Variants in PRLR observed in about 807,000 individuals in gnomAD.
The protein encoded by PRLR is hPRL receptor.
In PRLR, 13 loss-of-function variants were observed where a neutral mutation model predicts 40.2. The observed-to-expected ratio is 0.32, with a 90% CI of 0.21 to 0.51. The LOEUF (loss-of-function observed/expected upper bound fraction) is 0.51. PRLR is among the 20% of genes least tolerant of loss of function. PRLR has a pLI of 0.97. For synonymous variants in PRLR, 269 were observed against 278.7 expected (o/e 0.97, Z 0.35); for missense variants, 656 against 747.3 (o/e 0.88, Z 1.42).
chr5:35,173,120 T>A (rs1775049291), intron 1 of PRLR, among the ~76,000 whole-genome samples: 1 of 152,186 alleles, frequency 6.6e-6, no homozygotes, highest in Non-Finnish European at 1.5e-5. Context: ...TCCACATTGT[T>A]CACTCGTTTT....
At chr5:35,185,478 C>T (rs10941235) in intron 1 of PRLR, among the ~76,000 whole-genome samples, 47,580 of 151,578 alleles carry the variant, frequency 0.31, 7,825 homozygotes, top group African/African-American at 0.41. Context: ...TAGGCTTGGG[C>T]CTTTTCTAAC....
chr5:35,152,143 A>G (rs1184928232), intron 1 of PRLR, among the ~76,000 whole-genome samples: 1 of 152,176 alleles, frequency 6.6e-6, no homozygotes, highest in Admixed American at 6.5e-5. Context: ...AATCCGCGTG[A>G]TCCATTCTCC....
chr5:35,156,583 A>G (rs1292770816), intron 1 of PRLR, among the ~76,000 whole-genome samples: 1 of 152,180 alleles, frequency 6.6e-6, no homozygotes, highest in South Asian at 2.1e-4. Flanking sequence ...TTTGGCCAGT[A>G]TGGTCTCCTT....
chr5:35,113,416 TCCA>T (rs1772806936), intron 2 of PRLR, among the ~76,000 whole-genome samples: 4 of 138,404 alleles, frequency 2.9e-5, no homozygotes, highest in African/African-American at 5.5e-5. Context: ...CATCCATCCA[TCCA>T]TCCACCCATC....
intron 1 of PRLR, among the ~76,000 whole-genome samples, chr5:35,133,864 C>T (rs1228921478): frequency 6.6e-5 from 10 of 152,194 alleles, no homozygotes; most frequent in Non-Finnish European, 1.2e-4. Flanking sequence ...AGACCACACT[C>T]AGAAACAGGC....
Position 35,061,631 on chromosome 5 carries a change from T to C in PRLR, c.*3458A>G, listed in dbSNP as rs889096057. On this transcript the variant is annotated 3_prime_UTR_variant, in exon 10 of 10. Coordinates refer to ENST00000618457, the MANE Select transcript of PRLR (RefSeq NM_000949.7). ...TGTTAAATATCTGACACAGCTGATA[T>C]AACTTGTGCTTATACACATCTGTTA... 1 of 152,260 alleles carries C rather than the reference T, an allele frequency of 6.6e-6. No individual in the cohort carries two copies. The highest frequency in any genetic ancestry group is 1.5e-5 in the Non-Finnish European group (1 of 68,048). 9.4% of individuals were successfully genotyped at this position (152,260 alleles called of 1,614,324 possible). A position where few individuals can be genotyped will look rare whatever the true frequency, so the allele number is the denominator to read the frequency against.
At chr5:35,127,601 G>A (rs755298769) in intron 1 of PRLR, among the ~76,000 whole-genome samples, 4 of 152,150 alleles carry the variant, frequency 2.6e-5, no homozygotes, top group Non-Finnish European at 5.9e-5. Flanking sequence ...AAATACTAGT[G>A]TGTTGTCCAT....
chr5:35,198,001 G>C (rs552359844), intron 1 of PRLR, among the ~76,000 whole-genome samples: 1 of 152,332 alleles, frequency 6.6e-6, no homozygotes, highest in African/African-American at 2.4e-5. Context: ...GAGTATTGTG[G>C]CATGGATGCC....
chr5:35,114,244 C>T (rs780344112), intron 2 of PRLR, among the ~76,000 whole-genome samples: 1 of 152,180 alleles, frequency 6.6e-6, no homozygotes, highest in African/African-American at 2.4e-5. Context: ...AGAGCTGGTC[C>T]TGTCATTCAT....
intron 2 of PRLR, among the ~76,000 whole-genome samples, chr5:35,097,072 A>G (rs1771579796): frequency 6.6e-6 from 1 of 152,166 alleles, no homozygotes; most frequent in African/African-American, 2.4e-5. Flanking sequence ...CTTACATGCT[A>G]TCACCTGACA....
chr5:35,135,301 C>T (rs1224393904), intron 1 of PRLR: 1 of 152,300 alleles, frequency 6.6e-6, no homozygotes, highest in Non-Finnish European at 1.5e-5. Flanking sequence ...TCAGACCTGC[C>T]TCCTGTCCTG....
intron 1 of PRLR, among the ~76,000 whole-genome samples, chr5:35,181,428 T>C (rs1425769018): frequency 6.6e-6 from 1 of 152,208 alleles, no homozygotes; most frequent in East Asian, 1.9e-4. Context: ...GCTGTGTGCT[T>C]ATATTAATTT....
At chr5:35,091,640 C>A (rs539100945) in intron 2 of PRLR, among the ~76,000 whole-genome samples, 1 of 152,262 alleles carries the variant, frequency 6.6e-6, no homozygotes, top group East Asian at 1.9e-4. Context: ...CAGCCACTGA[C>A]CCACAGTGAG....
chr5:35,086,406 G>T, intron 3 of PRLR, 66 bp from the exon 4 acceptor site: 3 of 1,577,604 alleles, frequency 1.9e-6, no homozygotes, highest in Non-Finnish European at 2.6e-6. Flanking sequence ...CCTTCTGCTG[G>T]TGACAGAAAC....
In PRLR at chr5:35,072,602, T is replaced by C. The variant is rs1049275347; in HGVS notation, c.516A>G (p.Leu172=). The C allele has an allele frequency of 1.2e-6, 2 of 1,613,958 alleles. No homozygotes were observed. Among genetic ancestry groups the C allele is most frequent in the African/African-American group, 2.7e-5 (2 of 74,922 alleles). ...CCCACTCAGCTGCTTTCTCGGGTTT[T>C]AATCGAATTTCATACAGGAGCGTGA... ...GWFTLLYEIR[L]KPEKAAEWEI... Residue 172 remains leucine (L), a synonymous_variant, in exon 6 of 10, where the codon TTA becomes TTG. Transcript: ENST00000618457.
At chr5:35,069,725 C>T (rs1263467146) in intron 7 of PRLR, among the ~76,000 whole-genome samples, 1 of 152,328 alleles carries the variant, frequency 6.6e-6, no homozygotes, top group East Asian at 1.9e-4. Flanking sequence ...TGTGTCTTCA[C>T]TAAGAGACAA....
chr5:35,194,447 T>C (rs778852636), intron 1 of PRLR, among the ~76,000 whole-genome samples: 2 of 152,240 alleles, frequency 1.3e-5, no homozygotes, highest in Non-Finnish European at 2.9e-5. Context: ...TTCCTGCTCT[T>C]GCTTCTATCT....
Position 35,127,109 on chromosome 5 carries a change from C to G in PRLR, c.-105-8987G>C, listed in dbSNP as rs141933746. 2.0e-4 allele frequency among the ~76,000 whole-genome samples: 31 copies of G among 152,288 alleles called. No individual in the cohort carries two copies. The East Asian group carries it at 5.8e-3, about 29-fold the overall frequency. The stretch of plus-strand genomic sequence containing the variant: ...CTCCCAGTCCCTCCTCTTTTTCATG[C>G]CTTCTCATTCATACTTAAGCCAGAA... On this transcript the variant is annotated intron_variant, in intron 1 of 9. Transcript: ENST00000618457.
At chr5:35,136,950 G>GAAAAAGGAA (rs531685805) in intron 1 of PRLR, among the ~76,000 whole-genome samples, 21,418 of 119,708 alleles carry the variant, frequency 0.18, 3,034 homozygotes, top group African/African-American at 0.45. Flanking sequence ...GAAAGAAAAA[G>GAAAAAGGAA]AAAAAAAAAA....
Sources: allele counts gnomAD v4.1 joint callset (sites outside exome capture counted in the v4.1 genomes callset), GRCh38; gene constraint gnomAD v4.1.1; transcripts MANE v1.5; gene names NCBI Gene and HGNC (gene_info 2026-07-23, HGNC 2026-07-21).